The following RERG variants were observed in gnomAD, a reference collection of about 807,000 sequenced individuals.
The protein encoded by RERG is RAS like estrogen regulated growth inhibitor.
In RERG, 25 loss-of-function variants were observed where a neutral mutation model predicts 23.2. That is an observed-to-expected ratio of 1.08 (90% confidence interval 0.79 to 1.50). RERG has a LOEUF of 1.50. RERG is among the 40% of genes most tolerant of loss of function. The pLI is 0.00. For synonymous variants in RERG, 81 were observed against 89.1 expected (o/e 0.91, Z 0.51); for missense variants, 253 against 250.1 (o/e 1.01, Z -0.08).
At chr12:15,206,585 G>T (rs1865294426) in intron 2 of RERG, among the ~76,000 whole-genome samples, 1 of 152,090 alleles carries the variant, frequency 6.6e-6, no homozygotes, top group Non-Finnish European at 1.5e-5. Flanking sequence ...CTTCGGTGCA[G>T]ACCTACTGAG....
At chr12:15,210,145 G>A (rs1394638718) in intron 2 of RERG, among the ~76,000 whole-genome samples, 3 of 152,156 alleles carry the variant, frequency 2.0e-5, no homozygotes, top group Admixed American at 6.5e-5. Flanking sequence ...AAATCTGGCT[G>A]ATTTCCCCAA....
At chr12:15,158,977 T>C (rs1338975226) in intron 2 of RERG, among the ~76,000 whole-genome samples, 1 of 152,218 alleles carries the variant, frequency 6.6e-6, no homozygotes, top group African/African-American at 2.4e-5. Context: ...ATCCTGATCC[T>C]CACCACACTT....
chr12:15,168,350 C>T (rs1454101247), intron 2 of RERG, among the ~76,000 whole-genome samples: 1 of 152,160 alleles, frequency 6.6e-6, no homozygotes, highest in Non-Finnish European at 1.5e-5. Context: ...GACTCAATTT[C>T]CATTCCAGCT....
intron 2 of RERG, among the ~76,000 whole-genome samples, chr12:15,131,901 C>T (rs539068771): frequency 2.4e-4 from 36 of 152,188 alleles, no homozygotes; most frequent in African/African-American, 8.7e-4. Flanking sequence ...TACCTTTACA[C>T]CCCATAAGAA....
intron 2 of RERG, among the ~76,000 whole-genome samples, chr12:15,134,186 AT>A (rs113015810): frequency 0.042 from 6,391 of 152,010 alleles, 490 homozygotes; most frequent in African/African-American, 0.15. Context: ...GGTCACACAG[AT>A]TTTCTCCTAT....
At chr12:15,131,817 C>T (rs1864053230) in intron 2 of RERG, among the ~76,000 whole-genome samples, 1 of 152,172 alleles carries the variant, frequency 6.6e-6, no homozygotes, top group Non-Finnish European at 1.5e-5. Context: ...GCTGTGCCCA[C>T]GGATTCTAGT....
chr12:15,156,867 T>C (rs748158720), intron 2 of RERG, among the ~76,000 whole-genome samples: 1 of 152,192 alleles, frequency 6.6e-6, no homozygotes, highest in Non-Finnish European at 1.5e-5. Context: ...TCTAAACCTC[T>C]AAGCCTGTAT....
At chr12:15,218,228 C>T (rs1865469533) in intron 1 of RERG, among the ~76,000 whole-genome samples, 1 of 152,112 alleles carries the variant, frequency 6.6e-6, no homozygotes, top group Admixed American at 6.6e-5. Context: ...ACGATAAATG[C>T]CATGCTCCAA....
chr12:15,174,475 A>AGTGT (rs35380924), intron 2 of RERG, among the ~76,000 whole-genome samples: 213 of 147,996 alleles, frequency 1.4e-3, no homozygotes, highest in Non-Finnish European at 2.2e-3. Flanking sequence ...GAGTTTGTTG[A>AGTGT]GTGTGTGTGT....
chr12:15,148,626 T>C (rs1426994328), intron 2 of RERG, among the ~76,000 whole-genome samples: 1 of 152,132 alleles, frequency 6.6e-6, no homozygotes, highest in Non-Finnish European at 1.5e-5. Context: ...AAGCCGCTGA[T>C]ACCAAGCAAG....
At chr12:15,169,379 G>A (rs980461966) in intron 2 of RERG, among the ~76,000 whole-genome samples, 4 of 152,172 alleles carry the variant, frequency 2.6e-5, no homozygotes, top group African/African-American at 7.2e-5. Context: ...CAATGCAGTT[G>A]GGTATCATCC....
chr12:15,192,000 G>T (rs1007839932), intron 2 of RERG, among the ~76,000 whole-genome samples: 2 of 151,984 alleles, frequency 1.3e-5, no homozygotes, highest in Non-Finnish European at 2.9e-5. Flanking sequence ...TCATTGTCCT[G>T]GATGCCTAAT....
intron 2 of RERG, among the ~76,000 whole-genome samples, chr12:15,176,360 G>A (rs182822258): frequency 2.1e-3 from 318 of 151,954 alleles, no homozygotes; most frequent in Non-Finnish European, 3.2e-3. Context: ...ATATTTCCTC[G>A]TGTTATATAG....
intron 2 of RERG, among the ~76,000 whole-genome samples, chr12:15,158,606 C>T (rs1864557623): frequency 6.9e-6 from 1 of 145,952 alleles, no homozygotes; most frequent in African/African-American, 2.5e-5. Flanking sequence ...AATGATATTT[C>T]ATCTTTGACA....
intron 2 of RERG, among the ~76,000 whole-genome samples, chr12:15,177,371 C>T (rs1486371571): frequency 2.0e-5 from 3 of 152,124 alleles, no homozygotes; most frequent in Non-Finnish European, 2.9e-5. Flanking sequence ...GAAAATCACT[C>T]GAACCCAGGA....
intron 2 of RERG, among the ~76,000 whole-genome samples, chr12:15,131,312 T>C (rs993083701): frequency 6.6e-5 from 10 of 151,856 alleles, no homozygotes; most frequent in Non-Finnish European, 1.2e-4. Context: ...ATATTATTTA[T>C]GTTAATTTTA....
intron 2 of RERG, among the ~76,000 whole-genome samples, chr12:15,210,566 A>AT (rs141475518): frequency 0.012 from 1,799 of 151,066 alleles, 34 homozygotes; most frequent in African/African-American, 0.04. Flanking sequence ...ATTCACTTTC[A>AT]TTTTTTTTTC....
At chr12:15,188,047 G>T (rs1437422815) in intron 2 of RERG, among the ~76,000 whole-genome samples, 1 of 152,060 alleles carries the variant, frequency 6.6e-6, no homozygotes, top group East Asian at 1.9e-4. Context: ...AGCTAGAATG[G>T]GTCCTTCAAC....
At chr12:15,122,389 C>A (rs1380320437) in intron 2 of RERG, among the ~76,000 whole-genome samples, 1 of 152,142 alleles carries the variant, frequency 6.6e-6, no homozygotes, top group African/African-American at 2.4e-5. Flanking sequence ...TAACCTTCCT[C>A]CTGTACAGTT....
Sources: gnomAD v4.1 joint callset for allele counts (sites outside exome capture counted in the v4.1 genomes callset) on GRCh38, gnomAD v4.1.1 for gene constraint, MANE v1.5 for transcripts, NCBI Gene and HGNC (gene_info 2026-07-23, HGNC 2026-07-21) for gene names.